MYCBP2: variants seen among roughly 807,000 people sequenced by gnomAD.
MYCBP2 encodes MYC binding protein 2, also known as E3 ubiquitin-protein ligase MYCBP2.
MYCBP2 carries 120 observed loss-of-function variants against 525.3 expected under a neutral mutation model. That is an observed-to-expected ratio of 0.23 (90% CI 0.20 to 0.27). The LOEUF is 0.27. Ranked by LOEUF, MYCBP2 falls within the 10% of genes least tolerant of loss-of-function variation. The probability of loss-of-function intolerance (pLI) is 1.00; values close to 1 mark genes in which losing one functional copy is unlikely to be tolerated. For synonymous variants in MYCBP2, 1,894 were observed against 1,955.8 expected (o/e 0.97, Z 0.83); for missense variants, 4,149 against 5,657.1 (o/e 0.73, Z 8.55).
Position 77,243,127 on chromosome 13 carries a change from T to G in MYCBP2, c.2561A>C (p.His854Pro). Residue 854 changes from histidine (H) to proline (P), a missense_variant, in exon 17 of 83, where the codon CAC (histidine) becomes CCC (proline). His to Pro is a moderately conservative substitution (Grantham distance 77). Coordinates refer to ENST00000544440, the MANE Select transcript of MYCBP2 (RefSeq NM_015057.5). ...VPVPGVNIEE[H>P]LQLRQEEKRQ... Reference sequence around the variant, plus strand: ...TTTTTCTTCTTGTCGTAACTGAAGGTGTTCTTCAATGTTAACCCCGGGCAC... The same window carrying G: ...TTTTTCTTCTTGTCGTAACTGAAGGGGTTCTTCAATGTTAACCCCGGGCAC... 6.2e-7 allele frequency: 1 copy of G among 1,614,098 alleles called. No individual in the cohort carries two copies. Among genetic ancestry groups the G allele is most frequent in the Non-Finnish European group, 8.5e-7 (1 of 1,180,010 alleles).
intron 18 of MYCBP2, among the ~76,000 whole-genome samples, chr13:77,230,248 C>G (rs1202228397): frequency 2.6e-5 from 4 of 152,088 alleles, no homozygotes; most frequent in African/African-American, 9.7e-5. Flanking sequence ...TCCTTACACC[C>G]TCACAAAAAA....
At chr13:77,107,661 C>T (rs183773062) in intron 55 of MYCBP2, among the ~76,000 whole-genome samples, 4 of 152,106 alleles carry the variant, frequency 2.6e-5, no homozygotes, top group Non-Finnish European at 5.9e-5. Context: ...TCACTAGAGC[C>T]TGGGAGAGGG....
chr13:77,192,996 G>A (rs2061426948), intron 27 of MYCBP2, among the ~76,000 whole-genome samples: 1 of 152,088 alleles, frequency 6.6e-6, no homozygotes, highest in Non-Finnish European at 1.5e-5. Context: ...GGGCCTGGTG[G>A]CATGCGACTG....
intron 5 of MYCBP2, among the ~76,000 whole-genome samples, chr13:77,271,826 G>A (rs575645700): frequency 3.9e-4 from 60 of 152,258 alleles, no homozygotes; most frequent in African/African-American, 1.3e-3. Flanking sequence ...GCGTGAAAAC[G>A]GACTTAATGC....
chr13:77,300,401 A>G (rs534178491), intron 1 of MYCBP2, among the ~76,000 whole-genome samples: 8 of 152,246 alleles, frequency 5.3e-5, no homozygotes, highest in Non-Finnish European at 1.2e-4. Context: ...GAGTGTGCAT[A>G]TATTACAATA....
intron 55 of MYCBP2, among the ~76,000 whole-genome samples, chr13:77,104,142 A>C (rs2047495546): frequency 6.6e-6 from 1 of 152,124 alleles, no homozygotes; most frequent in Non-Finnish European, 1.5e-5. Flanking sequence ...ATAGCAATTA[A>C]AATTAATCGG....
At chr13:77,087,250 GA>G (rs1210023130) in intron 62 of MYCBP2, among the ~76,000 whole-genome samples, 1 of 152,170 alleles carries the variant, frequency 6.6e-6, no homozygotes, top group African/African-American at 2.4e-5. Flanking sequence ...CAATAGGGTA[GA>G]AATGAGGCTG....
intron 76 of MYCBP2, among the ~76,000 whole-genome samples, chr13:77,060,496 G>A (rs2039082010): frequency 6.6e-6 from 1 of 152,172 alleles, no homozygotes; most frequent in South Asian, 2.1e-4. Context: ...CAGTCAAATG[G>A]CAGACTGCAG....
rs373964746 is a variant in MYCBP2, at chr13:77,274,857, GTCT to G, written c.749-1192_749-1190del. Among the ~76,000 whole-genome samples, 25 of 152,042 alleles carry G rather than the reference GTCT, an allele frequency of 1.6e-4. No homozygotes were observed. In the East Asian group the frequency reaches 3.3e-3, roughly 20 times the overall value. On this transcript the variant is annotated intron_variant, in intron 4 of 82. Coordinates refer to ENST00000544440, the MANE Select transcript of MYCBP2 (RefSeq NM_015057.5). ...CTTTGTTAATTTCTTCCTCCCTTCT[GTCT>G]TCTTTTCTTTCCCCCTTCCTCTCTT... is the stretch of plus-strand genomic sequence containing the variant.
At chr13:77,205,726 T>TCATTTCATG (rs1310165905) in intron 24 of MYCBP2, 128 bp from the exon 25 acceptor site, 8 of 754,156 alleles carry the variant, frequency 1.1e-5, no homozygotes, top group Non-Finnish European at 1.4e-5. Flanking sequence ...GCTTTAAACA[T>TCATTTCATG]CATTTCATGG....
chr13:77,074,811 A>G (rs2042007149), intron 68 of MYCBP2, among the ~76,000 whole-genome samples: 1 of 152,184 alleles, frequency 6.6e-6, no homozygotes, highest in East Asian at 1.9e-4. Context: ...AAGGCAACAC[A>G]ACACTGGCAG....
Position 77,146,217 on chromosome 13 carries a change from C to T in MYCBP2, c.7132G>A (p.Val2378Ile). 1 of 1,588,506 alleles carries T rather than the reference C, an allele frequency of 6.3e-7. No individual in the cohort carries two copies. ...TCTTCAAATGAATAATTTTCATAAACCTTTAAGAAAGAGACCAGTCTGAAC... is the reference window on the plus strand; with the variant it reads ...TCTTCAAATGAATAATTTTCATAAATCTTTAAGAAAGAGACCAGTCTGAAC... ...ARYIAITMMK[V>I]YENYSFEELR... The change falls in exon 48 of 83, where the codon GTT (valine) becomes ATT (isoleucine). Residue 2378 changes from valine (V) to isoleucine (I), a missense_variant and splice_region_variant. Physicochemically the swap from Val to Ile is conservative, Grantham distance 29. Coordinates refer to ENST00000544440, the MANE Select transcript of MYCBP2 (RefSeq NM_015057.5).
intron 45 of MYCBP2, among the ~76,000 whole-genome samples, chr13:77,157,012 AT>A (rs1320397845): frequency 6.6e-6 from 1 of 152,176 alleles, no homozygotes; most frequent in Non-Finnish European, 1.5e-5. Flanking sequence ...AGGCCAGCAT[AT>A]TTTTTTCCCT....
At chr13:77,179,862 T>C (rs1399301871) in intron 34 of MYCBP2, among the ~76,000 whole-genome samples, 2 of 152,124 alleles carry the variant, frequency 1.3e-5, no homozygotes, top group East Asian at 3.9e-4. Flanking sequence ...GGTGGTGGGC[T>C]TGTGCAATGG....
At chr13:77,106,127 G>T (rs1310730614) in intron 55 of MYCBP2, among the ~76,000 whole-genome samples, 5 of 152,114 alleles carry the variant, frequency 3.3e-5, no homozygotes, top group Admixed American at 2.0e-4. Context: ...CAAACTAGAA[G>T]AATCAAGGCA....
chr13:77,085,676 C>T (rs781612498), intron 62 of MYCBP2, among the ~76,000 whole-genome samples: 19 of 152,168 alleles, frequency 1.2e-4, no homozygotes, highest in Non-Finnish European at 1.8e-4. Flanking sequence ...GCCATTTTGG[C>T]TTTGCAGCTT....
At chr13:77,260,847 A>G (rs1471377294) in intron 12 of MYCBP2, among the ~76,000 whole-genome samples, 3 of 152,166 alleles carry the variant, frequency 2.0e-5, no homozygotes, top group African/African-American at 7.2e-5. Flanking sequence ...TCAGTGAGTA[A>G]TATTAGTTTT....
At chr13:77,194,618 A>G (rs2061583337) in intron 26 of MYCBP2, among the ~76,000 whole-genome samples, 2 of 152,144 alleles carry the variant, frequency 1.3e-5, no homozygotes, top group Non-Finnish European at 1.5e-5. Flanking sequence ...ATTCTAAATG[A>G]GGTAGAATGT....
At chr13:77,051,950 GA>G (rs771399195) in intron 80 of MYCBP2, 32 bp from the exon 81 acceptor site, 1 of 1,555,114 alleles carries the variant, frequency 6.4e-7, no homozygotes, top group Admixed American at 1.7e-5. Context: ...ATTACAGCAG[GA>G]AAAAAGAAAA....
Sources: gnomAD v4.1 joint callset for allele counts (sites outside exome capture counted in the v4.1 genomes callset) on GRCh38, gnomAD v4.1.1 for gene constraint, MANE v1.5 for transcripts, NCBI Gene and HGNC (gene_info 2026-07-23, HGNC 2026-07-21) for gene names.